The following DNAH11 variants were observed in gnomAD, a reference collection of about 807,000 sequenced individuals.
DNAH11 encodes the protein axonemal beta dynein heavy chain 11.
In DNAH11, 442 loss-of-function variants were observed where a neutral mutation model predicts 526.0. That is an observed-to-expected ratio of 0.84 (90% confidence interval 0.78 to 0.91). DNAH11 has a LOEUF of 0.91. Ranked by LOEUF, DNAH11 falls within the 40% of genes least tolerant of loss-of-function variation. The pLI, the probability that DNAH11 is intolerant of heterozygous loss-of-function variation, is 0.00. For missense variants in DNAH11, 6,989 were observed against 5,448.7 expected (o/e 1.28, Z -8.90); for synonymous variants, 2,461 against 1,935.9 (o/e 1.27, Z -7.12).
At chr7:21,736,360 G>A (rs144483174) in intron 46 of DNAH11, among the ~76,000 whole-genome samples, 3,664 of 152,262 alleles carry the variant, frequency 0.024, 76 homozygotes, top group Middle Eastern at 0.068. Context: ...CCCAGAGTTA[G>A]GTAGGGTGAG....
At chr7:21,864,026 C>G (rs12154430) in intron 69 of DNAH11, among the ~76,000 whole-genome samples, 81,636 of 152,060 alleles carry the variant, frequency 0.54, 26,720 homozygotes, top group Non-Finnish European at 0.74. Context: ...TATTCCACTT[C>G]ACAATGTGTT....
chr7:21,763,358 A>AAGAAAGG (rs536355218), intron 54 of DNAH11, among the ~76,000 whole-genome samples: 1 of 134,700 alleles, frequency 7.4e-6, no homozygotes. Flanking sequence ...AAAAAAAAAG[A>AAGAAAGG]AAAAAAAAAA....
At chr7:21,837,034 A>G (rs933249785) in intron 65 of DNAH11, among the ~76,000 whole-genome samples, 1 of 152,192 alleles carries the variant, frequency 6.6e-6, no homozygotes, top group Non-Finnish European at 1.5e-5. Flanking sequence ...AATCAAAACC[A>G]TAATGAAATA....
intron 9 of DNAH11, among the ~76,000 whole-genome samples, chr7:21,585,124 G>T (rs995800466): frequency 1.4e-4 from 22 of 151,726 alleles, no homozygotes; most frequent in African/African-American, 4.4e-4. Flanking sequence ...TCAGATATTT[G>T]ACCTGTTTAC....
At chr7:21,680,821 A>T (rs917136119) in intron 30 of DNAH11, among the ~76,000 whole-genome samples, 1 of 152,250 alleles carries the variant, frequency 6.6e-6, no homozygotes, top group African/African-American at 2.4e-5. Flanking sequence ...TTAAAAACCA[A>T]AGCAAACACA....
At chr7:21,796,369 C>T (rs1788715021) in intron 61 of DNAH11, among the ~76,000 whole-genome samples, 1 of 152,096 alleles carries the variant, frequency 6.6e-6, no homozygotes, top group South Asian at 2.1e-4. Flanking sequence ...ATAAATCGAT[C>T]ACATTTGCCT....
chr7:21,551,531 T>C (rs1262868839), intron 2 of DNAH11, among the ~76,000 whole-genome samples: 1 of 152,220 alleles, frequency 6.6e-6, no homozygotes, highest in Non-Finnish European at 1.5e-5. Flanking sequence ...CAGTGTCTTC[T>C]TGGGCTTTAA....
intron 35 of DNAH11, 58 bp downstream of exon 35, chr7:21,690,939 G>A: frequency 1.6e-6 from 2 of 1,277,968 alleles, no homozygotes; most frequent in East Asian, 4.8e-5. Context: ...TAATGTTGTT[G>A]GTTTGCACTG....
chr7:21,765,627 CA>C, intron 55 of DNAH11, 38 bp downstream of exon 55: 1 of 979,770 alleles, frequency 1.0e-6, no homozygotes. Flanking sequence ...CACACACACA[CA>C]CACACACACA....
At chr7:21,875,512 A>G (rs1395454673) in intron 74 of DNAH11, among the ~76,000 whole-genome samples, 1 of 152,116 alleles carries the variant, frequency 6.6e-6, no homozygotes, top group Non-Finnish European at 1.5e-5. Context: ...TATACTGCAC[A>G]TTGGGCCAGA....
chr7:21,883,277 G>A (rs1011652865), intron 75 of DNAH11, among the ~76,000 whole-genome samples: 1 of 152,224 alleles, frequency 6.6e-6, no homozygotes, highest in African/African-American at 2.4e-5. Flanking sequence ...CCCCGAAGGT[G>A]TAAAGGTTCC....
Position 21,644,356 on chromosome 7 carries a change from A to G in DNAH11, c.4944+5291A>G, listed in dbSNP as rs115260740. Reference sequence around the variant, plus strand: ...ATGAATTTTAAGAGGATGGAGCTCAATAATCATTCATAGTATGCCAAAACC... The same window carrying G: ...ATGAATTTTAAGAGGATGGAGCTCAGTAATCATTCATAGTATGCCAAAACC... On this transcript the variant is annotated intron_variant, in intron 28 of 81. Coordinates refer to ENST00000409508, the MANE Select transcript of DNAH11 (RefSeq NM_001277115.2). Among the ~76,000 whole-genome samples the G allele has an allele frequency of 3.4e-3, 515 of 152,338 alleles. 3 individuals carry two copies. Among genetic ancestry groups the G allele is most frequent in the African/African-American group, 0.012 (493 of 41,582 alleles).
chr7:21,751,616 G>A (rs143088889), intron 54 of DNAH11, among the ~76,000 whole-genome samples: 1,910 of 152,258 alleles, frequency 0.013, 19 homozygotes, highest in South Asian at 0.024. Flanking sequence ...AGGCTGCGGC[G>A]GCTATAGAGC....
chr7:21,739,203 G>A (rs1785760714), intron 47 of DNAH11, among the ~76,000 whole-genome samples: 1 of 152,194 alleles, frequency 6.6e-6, no homozygotes, highest in African/African-American at 2.4e-5. Context: ...TTGGCAGGGT[G>A]TAAATGTTTG....
At position 21,617,718 on chromosome 7, in the gene DNAH11, G is replaced by C. The variant is rs1411194962; in HGVS notation, c.4195G>C (p.Glu1399Gln). The change falls in exon 23 of 82, where the codon GAG becomes CAG. Residue 1399 changes from glutamate to glutamine, a missense_variant. Glu to Gln is a conservative substitution (Grantham distance 29, BLOSUM62 2). Coordinates refer to ENST00000409508, the MANE Select transcript of DNAH11 (RefSeq NM_001277115.2). Reference sequence around the variant, plus strand: ...GACAGCCTCCCTGAGGGCCATCACAGAGTTACAGAGCCCTGCCCTCAGGGA... The same window carrying C: ...GACAGCCTCCCTGAGGGCCATCACACAGTTACAGAGCCCTGCCCTCAGGGA... ...DMTASLRAITELQSPALRDRH... is the reference protein window; with the variant it reads ...DMTASLRAITQLQSPALRDRH... The C allele has an allele frequency of 1.2e-6, 2 of 1,613,418 alleles. No homozygotes were observed. Among genetic ancestry groups the C allele is most frequent in the Non-Finnish European group, 1.7e-6 (2 of 1,179,700 alleles).
chr7:21,615,305 T>C, intron 21 of DNAH11, 33 bp downstream of exon 21: 1 of 1,603,530 alleles, frequency 6.2e-7, no homozygotes, highest in East Asian at 2.2e-5. Flanking sequence ...ATGCTTTTTA[T>C]TTAGTAGTTC....
intron 62 of DNAH11, among the ~76,000 whole-genome samples, chr7:21,804,183 A>C (rs1428457504): frequency 1.3e-5 from 2 of 152,074 alleles, no homozygotes; most frequent in Non-Finnish European, 2.9e-5. Flanking sequence ...ATCTCGGCTC[A>C]CTGCAAGCTC....
chr7:21,804,205 T>G (rs920485881), intron 62 of DNAH11, among the ~76,000 whole-genome samples: 10 of 151,972 alleles, frequency 6.6e-5, no homozygotes, highest in African/African-American at 2.4e-4. Context: ...GCCTCCCGGG[T>G]TCACGCCATT....
intron 20 of DNAH11, among the ~76,000 whole-genome samples, chr7:21,611,282 C>G (rs1785512970): frequency 1.3e-5 from 2 of 152,122 alleles, no homozygotes; most frequent in South Asian, 4.2e-4. Flanking sequence ...AGCCTCCCAC[C>G]CTCAGCATCT....
Sources: allele counts gnomAD v4.1 joint callset (sites outside exome capture counted in the v4.1 genomes callset), GRCh38; gene constraint gnomAD v4.1.1; transcripts MANE v1.5; gene names NCBI Gene and HGNC (gene_info 2026-07-23, HGNC 2026-07-21).